ACACB: variants seen among roughly 807,000 people sequenced by gnomAD.
The protein encoded by ACACB is acetyl-CoA carboxylase 2.
Under a neutral mutation model 278.8 loss-of-function variants are expected in ACACB, and 209 were observed. The observed-to-expected ratio is 0.75, with a 90% CI of 0.67 to 0.84. ACACB has a LOEUF of 0.84. Among genes scored for constraint, ACACB ranks in the 40% least tolerant of loss-of-function variants. ACACB has a pLI of 0.00. For synonymous variants in ACACB, 1,174 were observed against 1,285.6 expected (o/e 0.91, Z 1.86); for missense variants, 2,850 against 3,269.0 (o/e 0.87, Z 3.13).
intron 7 of ACACB, among the ~76,000 whole-genome samples, chr12:109,174,803 G>T (rs1314766963): frequency 1.3e-5 from 2 of 152,112 alleles, no homozygotes; most frequent in African/African-American, 4.8e-5. Context: ...CTAGGAGGTC[G>T]AGGTTACAGT....
intron 19 of ACACB, 106 bp from the exon 20 acceptor site, chr12:109,206,604 A>C (rs2045522811): frequency 1.5e-6 from 2 of 1,367,200 alleles, no homozygotes; most frequent in Admixed American, 4.1e-5. Context: ...CCTCATCCTC[A>C]CTTGATTACG....
At chr12:109,172,010 C>G (rs1425028377) in intron 5 of ACACB, 96 bp downstream of exon 5, 1 of 1,036,792 alleles carries the variant, frequency 9.6e-7, no homozygotes, top group Admixed American at 2.1e-5. Flanking sequence ...GTGGAGGGTC[C>G]AGATCCCACA....
rs2044270489 is a variant in ACACB, at chr12:109,176,000, A to G, written c.1286A>G (p.Tyr429Cys). Residue 429 changes from tyrosine (Y) to cysteine (C), a missense_variant, in exon 8 of 53, where the codon TAT becomes TGT. Coordinates refer to ENST00000338432, the MANE Select transcript of ACACB (RefSeq NM_001093.4). The part of the protein sequence containing the change: ...GKRISVPEDV[Y>C]DKGCVKDVDE... Reference sequence around the variant, plus strand: ...AGAATCAGTGTCCCAGAAGATGTTTATGACAAGGGTTGCGTGAAAGACGTA... The same window carrying G: ...AGAATCAGTGTCCCAGAAGATGTTTGTGACAAGGGTTGCGTGAAAGACGTA... The G allele has an allele frequency of 6.2e-7, 1 of 1,614,194 alleles. No homozygotes were observed. Among genetic ancestry groups the G allele is most frequent in the Non-Finnish European group, 8.5e-7 (1 of 1,180,024 alleles).
At chr12:109,199,640 C>T in intron 18 of ACACB, 88 bp downstream of exon 18, 10 of 1,273,080 alleles carry the variant, frequency 7.9e-6, no homozygotes, top group Non-Finnish European at 9.1e-6. Flanking sequence ...ACAGGCCTAC[C>T]TCTCCCCTTG....
At chr12:109,222,709 G>C in intron 25 of ACACB, 89 bp downstream of exon 25, 3 of 1,520,228 alleles carry the variant, frequency 2.0e-6, no homozygotes, top group Non-Finnish European at 2.7e-6. Context: ...ACCATGCACA[G>C]TCCCACCGTG....
intron 6 of ACACB, 116 bp downstream of exon 6, chr12:109,172,472 CT>C: frequency 1.1e-6 from 1 of 917,960 alleles, no homozygotes; most frequent in South Asian, 1.6e-5. Flanking sequence ...GATTTCCCAC[CT>C]CACACTTCTG....
chr12:109,263,027 T>C (rs920732295), intron 49 of ACACB: 1 of 136,676 alleles, frequency 7.3e-6, no homozygotes, highest in African/African-American at 2.6e-5. Context: ...AAGATAGCAA[T>C]TGAAGTATTT....
chr12:109,159,549 CA>C (rs2043654413), intron 2 of ACACB, among the ~76,000 whole-genome samples: 2 of 152,292 alleles, frequency 1.3e-5, no homozygotes, highest in East Asian at 3.9e-4. Context: ...CAGGATTACA[CA>C]GGTTATAAGC....
Position 109,139,456 on chromosome 12 carries a change from T to C in ACACB, c.51T>C (p.Phe17=). 6.2e-7 allele frequency: 1 copy of C among 1,614,174 alleles called. No homozygotes were observed. The highest frequency in any genetic ancestry group is 8.5e-7 in the Non-Finnish European group (1 of 1,180,026). The change falls in exon 2 of 53, where the codon TTT becomes TTC. Residue 17 remains phenylalanine (F), a synonymous_variant. Coordinates refer to ENST00000338432, the MANE Select transcript of ACACB (RefSeq NM_001093.4). The part of the protein sequence containing the change: ...LSCLIFSCLT[F]SWLKIWGKMT... Reference sequence around the variant, plus strand: ...GTCTGATTTTCTCCTGTCTGACCTTTTCCTGGTTAAAAATCTGGGGGAAAA... The same window carrying C: ...GTCTGATTTTCTCCTGTCTGACCTTCTCCTGGTTAAAAATCTGGGGGAAAA...
chr12:109,218,828 G>T (rs59530453), intron 24 of ACACB, among the ~76,000 whole-genome samples: 287 of 151,412 alleles, frequency 1.9e-3, no homozygotes, highest in African/African-American at 6.6e-3. Flanking sequence ...GAGTGCAGTG[G>T]CACGATCTCT....
At chr12:109,257,073 A>T (rs2047244254) in intron 45 of ACACB, among the ~76,000 whole-genome samples, 1 of 152,176 alleles carries the variant, frequency 6.6e-6, no homozygotes, top group Non-Finnish European at 1.5e-5. Flanking sequence ...CAGGAGTTCG[A>T]GACCAGCCTG....
chr12:109,170,164 A>G (rs1241366677), intron 4 of ACACB, among the ~76,000 whole-genome samples: 1 of 152,060 alleles, frequency 6.6e-6, no homozygotes, highest in African/African-American at 2.4e-5. Context: ...TCCCGGGTTC[A>G]AGCAATTCTT....
intron 37 of ACACB, 193 bp downstream of exon 37, chr12:109,242,785 G>A: frequency 1.7e-6 from 1 of 603,420 alleles, no homozygotes; most frequent in Middle Eastern, 4.6e-4. Context: ...CCCAGGAGTT[G>A]AAGAACCCCA....
At chr12:109,133,855 ATATATATATTT>A (rs1267860016) in intron 1 of ACACB, among the ~76,000 whole-genome samples, 2 of 49,758 alleles carry the variant, frequency 4.0e-5, no homozygotes, top group African/African-American at 9.4e-5. Context: ...ATATATATAT[ATATATATATTT>A]TTTTTTTTTT....
intron 1 of ACACB, among the ~76,000 whole-genome samples, chr12:109,133,650 A>G (rs2042886557): frequency 6.6e-6 from 1 of 151,780 alleles, no homozygotes; most frequent in Non-Finnish European, 1.5e-5. Flanking sequence ...AAATGCACAC[A>G]TTTAAAATTT....
Position 109,191,781 on chromosome 12 carries a change from T to C in ACACB, c.2295+18T>C. On this transcript the variant is annotated intron_variant, in intron 14 of 52. Transcript: ENST00000338432. ...AAGTGCAGGTAGGGAGTGAGCTGCC[T>C]GTGTCTCCCCTCTGGATGGCCGAGA... 1 of 1,614,110 alleles carries C rather than the reference T, an allele frequency of 6.2e-7. No individual in the cohort carries two copies. Among genetic ancestry groups the C allele is most frequent in the African/African-American group, 1.3e-5 (1 of 75,044 alleles).
chr12:109,209,117 CCCATG>C (rs775779730), intron 20 of ACACB, 43 bp from the exon 21 acceptor site: 1 of 1,532,620 alleles, frequency 6.5e-7, no homozygotes, highest in African/African-American at 1.4e-5. Context: ...GGCGGTGGTG[CCCATG>C]CCCATGCAGG....
intron 4 of ACACB, among the ~76,000 whole-genome samples, chr12:109,169,585 G>A (rs2044039995): frequency 6.6e-6 from 1 of 152,036 alleles, no homozygotes. Context: ...GTAGCTCCTG[G>A]GCCTGTTGCA....
chr12:109,218,276 A>T (rs189328102), intron 24 of ACACB, among the ~76,000 whole-genome samples: 26 of 152,150 alleles, frequency 1.7e-4, no homozygotes, highest in Non-Finnish European at 1.5e-4. Flanking sequence ...ATCATGGCTC[A>T]CTGTAGCCTC....
Sources: gnomAD v4.1 joint callset for allele counts (sites outside exome capture counted in the v4.1 genomes callset) on GRCh38, gnomAD v4.1.1 for gene constraint, MANE v1.5 for transcripts, NCBI Gene and HGNC (gene_info 2026-07-23, HGNC 2026-07-21) for gene names.